The following MBTPS2 variants were observed in gnomAD, a reference collection of about 807,000 sequenced individuals.
The protein encoded by MBTPS2 is membrane bound transcription factor peptidase, site 2.
In MBTPS2, 2 loss-of-function variants were observed where a neutral mutation model predicts 35.4. That is an observed-to-expected ratio of 0.06 (90% CI 0.02 to 0.18). The LOEUF (loss-of-function observed/expected upper bound fraction) is 0.18. Ranked by LOEUF, MBTPS2 falls within the 10% of genes least tolerant of loss-of-function variation. The pLI, the probability that MBTPS2 is intolerant of heterozygous loss-of-function variation, is 1.00. For missense variants in MBTPS2, 244 were observed against 386.5 expected (o/e 0.63, Z 3.09); for synonymous variants, 125 against 140.4 (o/e 0.89, Z 0.77).
At position 21,882,555 on chromosome X, in the gene MBTPS2, A is replaced by G; in HGVS notation, c.1460A>G (p.Asn487Ser). ...ACCCTTACCTCAGTGATTGGAGACA[A>G]TGATGTCAAAGATCTAATAGGGTTT... Reference protein sequence around the residue: ...DATLTSVIGDNDVKDLIGFFI... With the variant: ...DATLTSVIGDSDVKDLIGFFI... The change falls in exon 11 of 11, where the codon AAT (asparagine) becomes AGT (serine). Residue 487 changes from asparagine (N) to serine (S), a missense_variant. Asn to Ser is a conservative substitution (Grantham distance 46, BLOSUM62 1). Coordinates refer to ENST00000379484, the MANE Select transcript of MBTPS2 (RefSeq NM_015884.4). The G allele has an allele frequency of 1.7e-6, 2 of 1,211,264 alleles. No homozygotes were observed. Among genetic ancestry groups the G allele is most frequent in the Non-Finnish European group, 2.2e-6 (2 of 895,089 alleles).
chrX:21,876,816 A>G (rs770583917), intron 7 of MBTPS2, among the ~76,000 whole-genome samples: 1 of 112,148 alleles, frequency 8.9e-6, no homozygotes, highest in Admixed American at 9.5e-5. Flanking sequence ...ATTTTTATAA[A>G]ATTAAAATTA....
At chrX:21,865,910 C>T (rs936814768) in intron 5 of MBTPS2, among the ~76,000 whole-genome samples, 6 of 111,959 alleles carry the variant, frequency 5.4e-5, no homozygotes, top group Admixed American at 9.5e-5. Flanking sequence ...ATCTTGCTGC[C>T]TTGATGACAA....
intron 3 of MBTPS2, among the ~76,000 whole-genome samples, chrX:21,850,003 G>C (rs1280304489): frequency 9.9e-6 from 1 of 100,839 alleles, no homozygotes; most frequent in Non-Finnish European, 2.0e-5. Context: ...CTCCAGCCTG[G>C]GCGACAGAGC....
chrX:21,870,846 TACAAAATCAGCTTCCCAATTCTTTA>T (rs2092946465), intron 7 of MBTPS2: 1 of 70,859 alleles, frequency 1.4e-5, no homozygotes, highest in Non-Finnish European at 3.1e-5. Flanking sequence ...CAATTCTTTA[TACAAAATCAGCTTCCCAATTCTTTA>T]TACAAAATTG....
intron 10 of MBTPS2, 124 bp downstream of exon 10, chrX:21,881,096 AAG>A: frequency 3.7e-6 from 2 of 533,648 alleles, no homozygotes; most frequent in Non-Finnish European, 6.7e-6. Flanking sequence ...ACAACTAAAA[AAG>A]AGTCTTGAAA....
intron 3 of MBTPS2, among the ~76,000 whole-genome samples, chrX:21,848,275 C>T (rs1339055912): frequency 1.9e-5 from 2 of 107,543 alleles, no homozygotes; most frequent in Non-Finnish European, 1.9e-5. Context: ...CAAAATTAGC[C>T]GGGTGTAGTG....
intron 5 of MBTPS2, among the ~76,000 whole-genome samples, chrX:21,861,982 C>T (rs1415743606): frequency 8.9e-6 from 1 of 112,082 alleles, no homozygotes; most frequent in Non-Finnish European, 1.9e-5. Context: ...ACTTTCAAAA[C>T]ATTCCAAATA....
At chrX:21,870,736 T>TA (rs2092946335) in intron 7 of MBTPS2, 1 of 112,258 alleles carries the variant, frequency 8.9e-6, no homozygotes. Flanking sequence ...TGAAGTCAGA[T>TA]ATGTTGCTCT....
chrX:21,868,272 A>T (rs1229882350), intron 5 of MBTPS2, among the ~76,000 whole-genome samples, 195 bp from the exon 6 acceptor site: 1 of 111,775 alleles, frequency 8.9e-6, no homozygotes, highest in East Asian at 2.8e-4. Context: ...TGCCCATTTT[A>T]GATTTCAATA....
intron 9 of MBTPS2, among the ~76,000 whole-genome samples, 171 bp from the exon 10 acceptor site, chrX:21,880,726 A>G (rs916469366): frequency 6.3e-5 from 7 of 111,949 alleles, no homozygotes; most frequent in African/African-American, 2.3e-4. Flanking sequence ...TAGATGTTCT[A>G]GAAGTATTGA....
chrX:21,862,870 A>G (rs1364642097), intron 5 of MBTPS2, among the ~76,000 whole-genome samples: 1 of 89,291 alleles, frequency 1.1e-5, no homozygotes, highest in African/African-American at 4.0e-5. Context: ...ATATATAAAC[A>G]TATATAAATA....
chrX:21,874,290 G>T (rs2092950814), intron 7 of MBTPS2, among the ~76,000 whole-genome samples: 1 of 107,688 alleles, frequency 9.3e-6, no homozygotes, highest in African/African-American at 3.4e-5. Flanking sequence ...CTCCCAAAGT[G>T]CTGGGATTAC....
At chrX:21,863,718 T>TC (rs1300519148) in intron 5 of MBTPS2, among the ~76,000 whole-genome samples, 11 of 111,780 alleles carry the variant, frequency 9.8e-5, no homozygotes, top group Non-Finnish European at 9.4e-5. Flanking sequence ...ACGCACCTCT[T>TC]TCAGAGCTTA....
chrX:21,855,616 G>A (rs1320427574), intron 5 of MBTPS2, among the ~76,000 whole-genome samples: 1 of 110,636 alleles, frequency 9.0e-6, no homozygotes, highest in African/African-American at 3.3e-5. Flanking sequence ...ATTTTTAGTA[G>A]AGAAGGGGTT....
At chrX:21,858,307 T>C (rs1463971816) in intron 5 of MBTPS2, 1 of 123,398 alleles carries the variant, frequency 8.1e-6, no homozygotes, top group Non-Finnish European at 1.9e-5. Context: ...TGCTGTTGTT[T>C]AGTGTAATTT....
At position 21,845,312 on chromosome X, in the gene MBTPS2, C is replaced by G. The variant is rs1569321339; in HGVS notation, c.366C>G (p.Ser122=). Residue 122 remains serine (S), a synonymous_variant, in exon 3 of 11, where the codon TCC becomes TCG. Coordinates refer to ENST00000379484, the MANE Select transcript of MBTPS2 (RefSeq NM_015884.4). ...SYSSSSSSSS[S]SSSSSSSSSS... Reference sequence around the variant, plus strand: ...CTTCCTCCTCTTCTTCCTCTTCCTCCTCTTCTTCCTCTTCCTCTTCTTCAT... The same window carrying G: ...CTTCCTCCTCTTCTTCCTCTTCCTCGTCTTCTTCCTCTTCCTCTTCTTCAT... 1 of 1,185,759 alleles carries G rather than the reference C, an allele frequency of 8.4e-7. No homozygotes were observed. Among genetic ancestry groups the G allele is most frequent in the Non-Finnish European group, 1.1e-6 (1 of 872,420 alleles).
intron 5 of MBTPS2, among the ~76,000 whole-genome samples, chrX:21,862,933 C>CATATATATATATATATATAT (rs542223686): frequency 0.012 from 324 of 27,596 alleles, 34 homozygotes; most frequent in Non-Finnish European, 0.021. Flanking sequence ...TATATATAAA[C>CATATATATATATATATATAT]ATATATATAT....
chrX:21,878,428 A>C, intron 8 of MBTPS2, 69 bp from the exon 9 acceptor site: 1 of 814,860 alleles, frequency 1.2e-6, no homozygotes, highest in Non-Finnish European at 1.8e-6. Flanking sequence ...CATGAAAAAT[A>C]TTGAAGGAAT....
chrX:21,844,167 T>A (rs2092905956), intron 2 of MBTPS2, among the ~76,000 whole-genome samples: 1 of 108,436 alleles, frequency 9.2e-6, no homozygotes, highest in Non-Finnish European at 1.9e-5. Context: ...AAATATTAAT[T>A]GATAAACCCC....
Sources: allele counts gnomAD v4.1 joint callset (sites outside exome capture counted in the v4.1 genomes callset), GRCh38; gene constraint gnomAD v4.1.1; transcripts MANE v1.5; gene names NCBI Gene and HGNC (gene_info 2026-07-23, HGNC 2026-07-21).